ANKRD36C: variants seen among roughly 807,000 people sequenced by gnomAD.
The protein encoded by ANKRD36C is ankyrin repeat domain 36C, also known as ankyrin repeat domain-containing protein 36C.
ANKRD36C carries 61 observed loss-of-function variants against 276.4 expected under a neutral mutation model. That is an observed-to-expected ratio of 0.22 (90% CI 0.18 to 0.27). ANKRD36C has a LOEUF of 0.27. ANKRD36C is among the 10% of genes least tolerant of loss of function. The pLI, the probability that ANKRD36C is intolerant of heterozygous loss-of-function variation, is 1.00. For missense variants in ANKRD36C, 1,447 were observed against 2,032.3 expected (o/e 0.71, Z 5.54); for synonymous variants, 483 against 680.1 (o/e 0.71, Z 4.51).
chr2:95,895,763 G>A (rs1168914679), intron 44 of ANKRD36C, among the ~76,000 whole-genome samples, 173 bp from the exon 61 acceptor site: 1 of 150,930 alleles, frequency 6.6e-6, no homozygotes, highest in Non-Finnish European at 1.5e-5. Flanking sequence ...CTGAAAAAAG[G>A]GAACACAGGC....
chr2:95,914,985 C>A (rs1482837589), intron 38 of ANKRD36C, among the ~76,000 whole-genome samples: 1 of 151,516 alleles, frequency 6.6e-6, no homozygotes, highest in Non-Finnish European at 1.5e-5. Context: ...AATATATTAA[C>A]CTCAATAAAA....
At chr2:95,862,294 A>G (rs1478169053) in intron 60 of ANKRD36C, among the ~76,000 whole-genome samples, 1 of 151,936 alleles carries the variant, frequency 6.6e-6, no homozygotes, top group Non-Finnish European at 1.5e-5. Context: ...CAACTCTCAA[A>G]GGATTGAGTC....
At chr2:95,874,506 T>C (rs925974587) in intron 59 of ANKRD36C, among the ~76,000 whole-genome samples, 1 of 152,232 alleles carries the variant, frequency 6.6e-6, no homozygotes, top group South Asian at 2.1e-4. Context: ...ATCCCTTCCT[T>C]ACACCTTATA....
chr2:95,940,931 T>C (rs1466333402), intron 20 of ANKRD36C, among the ~76,000 whole-genome samples: 2 of 148,098 alleles, frequency 1.4e-5, no homozygotes, highest in Non-Finnish European at 3.0e-5. Flanking sequence ...TAATAAATTA[T>C]ATTTATAATT....
At chr2:95,869,758 T>C (rs1038772112) in intron 59 of ANKRD36C, among the ~76,000 whole-genome samples, 2 of 152,152 alleles carry the variant, frequency 1.3e-5, no homozygotes, top group African/African-American at 4.8e-5. Context: ...CCTTTCCTAG[T>C]CAAAGAAAGG....
chr2:95,915,989 A>G (rs767196762), exon 38 of ANKRD36C: 61 of 1,550,814 alleles, frequency 3.9e-5, no homozygotes, highest in Non-Finnish European at 5.3e-5. Context: ...CCTGTCCTAG[A>G]TATTTCTCCA....
At chr2:95,884,814 C>T (rs1404447162) in intron 52 of ANKRD36C, among the ~76,000 whole-genome samples, 2 of 144,488 alleles carry the variant, frequency 1.4e-5, no homozygotes, top group Non-Finnish European at 2.9e-5. Context: ...TGCCCGATAA[C>T]AGAGAAGGTA....
rs1182731938 is a variant in ANKRD36C, at chr2:95,887,897, T to C, written c.3061+28A>G. 1.9e-6 allele frequency: 3 copies of C among 1,560,866 alleles called. No homozygotes were observed. The African/African-American group carries it at 4.1e-5, about 21-fold the overall frequency. On this transcript the variant is annotated intron_variant, in intron 50 of 66. Transcript: ENST00000456556. ...AGTACTTTTCTATCTGGACTGAACA[T>C]GACATTAAATGTGTTTTGTGAAATT... is the stretch of plus-strand genomic sequence containing the variant.
exon 15 of ANKRD36C, chr2:95,951,392 T>C (rs1245130613): frequency 8.7e-6 from 13 of 1,501,218 alleles, no homozygotes; most frequent in Non-Finnish European, 1.2e-5. Context: ...CTTTGGGATG[T>C]ATAGTTTTGA....
intron 6 of ANKRD36C, among the ~76,000 whole-genome samples, chr2:95,970,495 T>G (rs1159819925): frequency 3.9e-5 from 6 of 152,192 alleles, no homozygotes; most frequent in Admixed American, 3.9e-4. Flanking sequence ...ATAAAATATA[T>G]ATAAAGGAAC....
chr2:95,851,983 T>G (rs1573714591), intron 65 of ANKRD36C, 143 bp downstream of exon 85: 1 of 1,097,332 alleles, frequency 9.1e-7, no homozygotes, highest in South Asian at 1.5e-5. Flanking sequence ...AGAAAAATGA[T>G]GTATGTCAAT....
chr2:95,963,972 A>AAAATAT lies in ANKRD36C; in HGVS notation c.800-1426_800-1425insATATTT, dbSNP rs1678521431. Among the ~76,000 whole-genome samples, 8 of 48,994 alleles carry AAAATAT rather than the reference A, an allele frequency of 1.6e-4. No individual in the cohort carries two copies. The Admixed American group carries it at 2.3e-3, about 14-fold the overall frequency. The allele number at this position is 48,994 out of a possible 152,430, so 32.1% of individuals were successfully genotyped here. A position where few individuals can be genotyped will look rare whatever the true frequency, so the allele number is the denominator to read the frequency against. Reference sequence around the variant, plus strand: ...ATATATATATAAATATATATATATAAATATATATATATATATATATATATA... The same window carrying AAAATAT: ...ATATATATATAAATATATATATATAAAAATATATATATATATATATATATATATATA... On this transcript the variant is annotated intron_variant, in intron 6 of 66. Coordinates refer to ENST00000456556, the Ensembl canonical transcript of ANKRD36C.
chr2:95,925,699 G>C (rs1398379546), intron 28 of ANKRD36C, among the ~76,000 whole-genome samples, 152 bp from the exon 29 acceptor site: 3 of 151,590 alleles, frequency 2.0e-5, no homozygotes, highest in Non-Finnish European at 4.4e-5. Context: ...ACAGGAACAT[G>C]AGGAAATATG....
At chr2:95,987,070 A>C (rs772931234) in intron 2 of ANKRD36C, 22 bp downstream of exon 2, 1 of 856,502 alleles carries the variant, frequency 1.2e-6, no homozygotes, top group Non-Finnish European at 1.5e-6. Context: ...CTCATGCTCA[A>C]AAAGAGTCAG....
intron 6 of ANKRD36C, among the ~76,000 whole-genome samples, chr2:95,963,989 ATATATATATATATATATATATATATGTG>A (rs1437597077): frequency 0.032 from 521 of 16,418 alleles, 13 homozygotes; most frequent in African/African-American, 0.1. Context: ...ATATATATAT[ATATATATATATATATATATATATATGTG>A]TGTGTGTGTC....
At chr2:95,944,780 T>C (rs1677989601) in intron 18 of ANKRD36C, 86 bp from the exon 19 acceptor site, 23 of 1,439,918 alleles carry the variant, frequency 1.6e-5, no homozygotes, top group Non-Finnish European at 2.1e-5. Flanking sequence ...GCTCACAGCT[T>C]TAATCCCAGC....
At chr2:95,984,313 G>C (rs945486030) in intron 3 of ANKRD36C, among the ~76,000 whole-genome samples, 14 of 151,880 alleles carry the variant, frequency 9.2e-5, no homozygotes, top group African/African-American at 3.4e-4. Flanking sequence ...CTCATAGAAA[G>C]GGGCAACCTC....
At chr2:95,976,641 C>T (rs1437523107) in intron 6 of ANKRD36C, among the ~76,000 whole-genome samples, 2 of 152,142 alleles carry the variant, frequency 1.3e-5, no homozygotes, top group Non-Finnish European at 2.9e-5. Flanking sequence ...GTGCACGTAG[C>T]TTCTGCAGTT....
At chr2:95,888,416 G>T (rs1279818094) in intron 48 of ANKRD36C, among the ~76,000 whole-genome samples, 1 of 151,694 alleles carries the variant, frequency 6.6e-6, no homozygotes, top group Non-Finnish European at 1.5e-5. Flanking sequence ...GGACAAATGT[G>T]ATCTAAAATC....
Sources: allele counts gnomAD v4.1 joint callset (sites outside exome capture counted in the v4.1 genomes callset), GRCh38; gene constraint gnomAD v4.1.1; transcripts MANE v1.5; gene names NCBI Gene and HGNC (gene_info 2026-07-23, HGNC 2026-07-21).